Variants in SEL1L3 observed in about 807,000 individuals in gnomAD.
SEL1L3 encodes the protein SEL1L family member 3.
SEL1L3 carries 76 observed loss-of-function variants against 142.8 expected under a neutral mutation model. The observed-to-expected ratio is 0.53, with a 90% CI of 0.44 to 0.64. The LOEUF (loss-of-function observed/expected upper bound fraction) is 0.64. Ranked by LOEUF, SEL1L3 falls within the 30% of genes least tolerant of loss-of-function variation. SEL1L3 has a pLI of 0.00. For synonymous variants in SEL1L3, 504 were observed against 519.6 expected, an observed-to-expected ratio of 0.97 and a Z score of 0.41; for missense variants, 1,262 against 1,381.7, an observed-to-expected ratio of 0.91 and a Z score of 1.37.
At chr4:25,775,687 C>T (rs903725610) in intron 17 of SEL1L3, among the ~76,000 whole-genome samples, 2 of 152,162 alleles carry the variant, frequency 1.3e-5, no homozygotes, top group Non-Finnish European at 2.9e-5. Flanking sequence ...TTTGTGGGTC[C>T]TCATACACCA....
rs1275465449 is a variant in SEL1L3 at position 25,862,889 on chromosome 4, C to T, written c.-53G>A. 1.9e-6 allele frequency: 2 copies of T among 1,042,802 alleles called. No homozygotes were observed. The highest frequency in any genetic ancestry group is 2.3e-6 in the Non-Finnish European group (2 of 868,568). 64.6% of individuals were successfully genotyped at this position (1,042,802 alleles called of 1,614,324 possible). On this transcript the variant is annotated 5_prime_UTR_variant, in exon 1 of 24. Transcript: ENST00000399878. ...ACAGGTCACCTGGTGCAGGGACCGG[C>T]CCCCGCCCGAGGCGCCACCTTCCCG... is the stretch of plus-strand genomic sequence containing the variant.
At chr4:25,813,238 G>C (rs1714152565) in intron 9 of SEL1L3, among the ~76,000 whole-genome samples, 1 of 152,186 alleles carries the variant, frequency 6.6e-6, no homozygotes, top group South Asian at 2.1e-4. Context: ...GTTCTAAAGA[G>C]ATATTTTTAG....
At chr4:25,741,833 T>A in the SEL1L3 span, among the ~76,000 whole-genome samples, 109,599 of 150,242 alleles carry the variant, frequency 0.73, 40,048 homozygotes, top group East Asian at 0.81. Context: ...TTATATATAT[T>A]TTTTTTGAGA....
intron 6 of SEL1L3, among the ~76,000 whole-genome samples, chr4:25,829,740 A>G (rs897328602): frequency 6.6e-6 from 1 of 152,238 alleles, no homozygotes; most frequent in African/African-American, 2.4e-5. Flanking sequence ...GGCCAAAGTT[A>G]CCAACCATTC....
At chr4:25,857,506 C>G (rs945342981) in intron 1 of SEL1L3, among the ~76,000 whole-genome samples, 1 of 152,206 alleles carries the variant, frequency 6.6e-6, no homozygotes. Context: ...TTCTAACCTC[C>G]ACCTCTCACA....
chr4:25,823,482 C>G (rs1042098194), intron 6 of SEL1L3, among the ~76,000 whole-genome samples: 1 of 151,516 alleles, frequency 6.6e-6, no homozygotes, highest in African/African-American at 2.4e-5. Flanking sequence ...CCACTGCACT[C>G]CAACCTGGGT....
At chr4:25,848,199 C>A (rs1716664981) in intron 1 of SEL1L3, among the ~76,000 whole-genome samples, 1 of 152,240 alleles carries the variant, frequency 6.6e-6, no homozygotes, top group African/African-American at 2.4e-5. Flanking sequence ...AGCAAGGGAA[C>A]CTGCCTTAGA....
At chr4:25,863,234 T>C (rs1262025702), upstream of SEL1L3, among the ~76,000 whole-genome samples, 37 of 63,404 alleles carry the variant, frequency 5.8e-4, no homozygotes, top group Admixed American at 6.7e-3. Flanking sequence ...CACCCCCCTT[T>C]CCCTTTCTCT....
chr4:25,729,110 T>C, the SEL1L3 span, among the ~76,000 whole-genome samples: 1 of 152,064 alleles, frequency 6.6e-6, no homozygotes, highest in Non-Finnish European at 1.5e-5. Context: ...CTGACTTCAA[T>C]TAACCTCTTG....
intron 12 of SEL1L3, among the ~76,000 whole-genome samples, chr4:25,789,584 CAAA>C (rs55852462): frequency 0.15 from 18,840 of 124,708 alleles, 1,374 homozygotes; most frequent in South Asian, 0.23. Context: ...GACCCTGAAT[CAAA>C]AAAAAAAAAA....
intron 1 of SEL1L3, among the ~76,000 whole-genome samples, chr4:25,852,020 GGTACAATGCAAACT>G (rs1344696862): frequency 6.6e-6 from 1 of 151,884 alleles, no homozygotes. Flanking sequence ...TAAAGAAGGG[GGTACAATGCAAACT>G]GTCCATGCCA....
At position 25,804,936 on chromosome 4, in the gene SEL1L3, T is replaced by C. The variant is rs555795016; in HGVS notation, c.1565-184A>G. Among the ~76,000 whole-genome samples the C allele has an allele frequency of 1.2e-4, 19 of 152,362 alleles. No homozygotes were observed. In the South Asian group the frequency reaches 3.9e-3, roughly 32 times the overall value. The stretch of plus-strand genomic sequence containing the variant: ...CTTTGGGGATGCCATGGTGTCATTC[T>C]GTAAATAGCTTTTTCTTTGGCACTA... On this transcript the variant is annotated intron_variant, in intron 9 of 23. Coordinates refer to ENST00000399878, the MANE Select transcript of SEL1L3 (RefSeq NM_015187.5).
chr4:25,759,141 G>A, intron 20 of SEL1L3, 73 bp from the exon 21 acceptor site: 7 of 1,517,696 alleles, frequency 4.6e-6, no homozygotes, highest in African/African-American at 1.4e-5. Flanking sequence ...TCATCAGAAT[G>A]TAAATGTTTA....
chr4:25,833,070 GTCTTCCCCTTTGACAAGA>G lies in SEL1L3; in HGVS notation c.1005_1022del (p.Val337_Leu342del). 1 of 1,612,222 alleles carries G rather than the reference GTCTTCCCCTTTGACAAGA, an allele frequency of 6.2e-7. No homozygotes were observed. On this transcript the variant is annotated inframe_deletion, in exon 5 of 24. Coordinates refer to ENST00000399878, the MANE Select transcript of SEL1L3 (RefSeq NM_015187.5). ...TGATGAATTTAGTTTTTACAGCAAG[GTCTTCCCCTTTGACAAGA>G]TGCATCTGAATATGCAAATAGCCTA... is the stretch of plus-strand genomic sequence containing the variant.
intron 1 of SEL1L3, among the ~76,000 whole-genome samples, chr4:25,850,676 C>G (rs1253137734): frequency 6.6e-6 from 1 of 152,122 alleles, no homozygotes; most frequent in Non-Finnish European, 1.5e-5. Flanking sequence ...GATAGGGAAG[C>G]CTAAACTCAT....
At chr4:25,716,390 A>T in the SEL1L3 span, among the ~76,000 whole-genome samples, 1 of 152,184 alleles carries the variant, frequency 6.6e-6, no homozygotes, top group South Asian at 2.1e-4. Flanking sequence ...CATAGAGAAC[A>T]TTCATAGCTT....
At chr4:25,762,846 C>T (rs902440538) in intron 20 of SEL1L3, among the ~76,000 whole-genome samples, 2 of 151,914 alleles carry the variant, frequency 1.3e-5, no homozygotes, top group Non-Finnish European at 2.9e-5. Context: ...GGTGTGGTGG[C>T]GCGCCTGTAG....
At chr4:25,856,833 C>T (rs938747053) in intron 1 of SEL1L3, among the ~76,000 whole-genome samples, 14 of 152,168 alleles carry the variant, frequency 9.2e-5, no homozygotes, top group African/African-American at 3.4e-4. Context: ...ATAACCCTCC[C>T]TTGCTCAAAG....
chr4:25,735,540 C>T, the SEL1L3 span, among the ~76,000 whole-genome samples: 1 of 150,470 alleles, frequency 6.6e-6, no homozygotes, highest in South Asian at 2.1e-4. Flanking sequence ...CTTCTCTTTT[C>T]TTTATTATAT....
Sources: gnomAD v4.1 joint callset for allele counts (sites outside exome capture counted in the v4.1 genomes callset) on GRCh38, gnomAD v4.1.1 for gene constraint, MANE v1.5 for transcripts, NCBI Gene and HGNC (gene_info 2026-07-23, HGNC 2026-07-21) for gene names.